Variants in LHFPL3 observed in about 807,000 individuals in gnomAD.
LHFPL3 encodes LHFPL tetraspan subfamily member 3 protein.
Under a neutral mutation model 19.3 loss-of-function variants are expected in LHFPL3, and 5 were observed. The observed-to-expected ratio is 0.26, with a 90% CI of 0.14 to 0.54. The LOEUF (loss-of-function observed/expected upper bound fraction) is 0.54. Ranked by LOEUF, LHFPL3 falls within the 20% of genes least tolerant of loss-of-function variation. The pLI, the probability that LHFPL3 is intolerant of heterozygous loss-of-function variation, is 0.94. For synonymous variants in LHFPL3, 133 were observed against 126.2 expected (o/e 1.05, Z -0.36); for missense variants, 249 against 307.4 (o/e 0.81, Z 1.42).
intron 2 of LHFPL3, among the ~76,000 whole-genome samples, chr7:104,857,041 T>TTGTG (rs1448796482): frequency 6.6e-6 from 1 of 152,230 alleles, no homozygotes; most frequent in Non-Finnish European, 1.5e-5. Flanking sequence ...TGCCAGGGTC[T>TTGTG]TTGCCTATAT....
chr7:104,902,065 T>C (rs750528615), intron 2 of LHFPL3, among the ~76,000 whole-genome samples: 8 of 151,794 alleles, frequency 5.3e-5, no homozygotes, highest in East Asian at 1.9e-4. Flanking sequence ...AGTCCCAGAG[T>C]TGACAATACT....
intron 2 of LHFPL3, among the ~76,000 whole-genome samples, chr7:104,737,237 G>A (rs894055593): frequency 6.6e-6 from 1 of 151,894 alleles, no homozygotes; most frequent in African/African-American, 2.4e-5. Flanking sequence ...AACTGTGGGT[G>A]GTGTCTATTT....
At chr7:104,889,993 C>T (rs566680958) in intron 2 of LHFPL3, among the ~76,000 whole-genome samples, 10 of 152,188 alleles carry the variant, frequency 6.6e-5, no homozygotes, top group African/African-American at 2.4e-4. Context: ...TCTTCTCATT[C>T]GCTTCTTAGG....
chr7:104,681,548 G>C (rs1185966368), intron 1 of LHFPL3, among the ~76,000 whole-genome samples: 1 of 151,978 alleles, frequency 6.6e-6, no homozygotes, highest in Non-Finnish European at 1.5e-5. Flanking sequence ...CTTGAACCTG[G>C]GAGGCAGAGG....
At chr7:104,338,461 G>A (rs1314732188) in intron 1 of LHFPL3, among the ~76,000 whole-genome samples, 3 of 152,118 alleles carry the variant, frequency 2.0e-5, no homozygotes, top group Non-Finnish European at 2.9e-5. Flanking sequence ...GGACTAGGTT[G>A]CAATATAAAA....
chr7:104,407,472 C>T (rs183700652), intron 1 of LHFPL3, among the ~76,000 whole-genome samples: 2 of 152,270 alleles, frequency 1.3e-5, no homozygotes, highest in Admixed American at 1.3e-4. Flanking sequence ...GCATGGCCTA[C>T]ATGGAGAAAC....
At chr7:104,802,070 T>C (rs2116478393) in intron 2 of LHFPL3, among the ~76,000 whole-genome samples, 1 of 152,282 alleles carries the variant, frequency 6.6e-6, no homozygotes, top group East Asian at 1.9e-4. Flanking sequence ...CCCTGCTATG[T>C]TGCTGTCTCC....
chr7:104,596,688 T>C (rs1220901009), intron 1 of LHFPL3, among the ~76,000 whole-genome samples: 1 of 152,238 alleles, frequency 6.6e-6, no homozygotes, highest in African/African-American at 2.4e-5. Flanking sequence ...TCACAGGATC[T>C]ACTGGCATAG....
intron 2 of LHFPL3, among the ~76,000 whole-genome samples, chr7:104,887,654 G>C (rs1030391241): frequency 2.6e-5 from 4 of 152,216 alleles, no homozygotes; most frequent in African/African-American, 7.2e-5. Flanking sequence ...CACTGGCCCA[G>C]TGGGCACTGA....
chr7:104,378,087 A>G (rs992191975), intron 1 of LHFPL3, among the ~76,000 whole-genome samples: 1 of 152,232 alleles, frequency 6.6e-6, no homozygotes, highest in East Asian at 1.9e-4. Flanking sequence ...TGTACAGTTT[A>G]TAGAGTTTTA....
At chr7:104,844,373 G>A (rs148582870) in intron 2 of LHFPL3, among the ~76,000 whole-genome samples, 2 of 152,222 alleles carry the variant, frequency 1.3e-5, no homozygotes, top group Non-Finnish European at 2.9e-5. Flanking sequence ...CCAGGCTTTG[G>A]AGTTCTAATT....
rs147321303 is a variant in LHFPL3, at chr7:104,667,494, A to G, written c.446-69181A>G. 5.6e-4 allele frequency among the ~76,000 whole-genome samples: 86 copies of G among 152,342 alleles called. 2 individuals carry two copies. In the East Asian group the frequency reaches 0.016, roughly 29 times the overall value. ...TCCTGGGTGCTTATGCCTATAATTT[A>G]GATTAGCTGCCCCAGCAGAATCAAT... On this transcript the variant is annotated intron_variant, in intron 1 of 2. Transcript: ENST00000424859.
At chr7:104,550,960 A>G (rs1260787746) in intron 1 of LHFPL3, among the ~76,000 whole-genome samples, 2 of 152,138 alleles carry the variant, frequency 1.3e-5, no homozygotes, top group African/African-American at 4.8e-5. Flanking sequence ...AAGCCTCCCA[A>G]AATTTTCCAG....
At chr7:104,791,644 C>T (rs1790026545) in intron 2 of LHFPL3, among the ~76,000 whole-genome samples, 1 of 152,090 alleles carries the variant, frequency 6.6e-6, no homozygotes, top group Non-Finnish European at 1.5e-5. Context: ...CTGGAACTGC[C>T]GGTTGCCTGG....
At chr7:104,369,787 G>A (rs1389387895) in intron 1 of LHFPL3, among the ~76,000 whole-genome samples, 1 of 152,144 alleles carries the variant, frequency 6.6e-6, no homozygotes. Flanking sequence ...TAATGATGTT[G>A]AGCAACTCTT....
intron 1 of LHFPL3, among the ~76,000 whole-genome samples, chr7:104,429,666 CA>C (rs1291369386): frequency 6.6e-6 from 1 of 151,980 alleles, no homozygotes; most frequent in Non-Finnish European, 1.5e-5. Flanking sequence ...CTTAGCATCA[CA>C]ACTTAGGCTA....
intron 2 of LHFPL3, among the ~76,000 whole-genome samples, chr7:104,814,339 C>T (rs1393020577): frequency 6.6e-6 from 1 of 152,180 alleles, no homozygotes; most frequent in Non-Finnish European, 1.5e-5. Flanking sequence ...CCTATCATCT[C>T]TCCATCGTCT....
At chr7:104,536,524 A>G (rs2115860806) in intron 1 of LHFPL3, among the ~76,000 whole-genome samples, 1 of 152,328 alleles carries the variant, frequency 6.6e-6, no homozygotes, top group Admixed American at 6.5e-5. Flanking sequence ...ATAAGAATAA[A>G]TAATTGGCTT....
Position 104,668,727 on chromosome 7 carries a change from C to G in LHFPL3, c.446-67948C>G, listed in dbSNP as rs186772196. 1.8e-4 allele frequency: 279 copies of G among 1,585,764 alleles called. 3 individuals carry two copies. The highest frequency in any genetic ancestry group is 1.4e-3 in the South Asian group (122 of 88,454). On this transcript the variant is annotated intron_variant, in intron 1 of 2. Coordinates refer to ENST00000424859, the MANE Select transcript of LHFPL3 (RefSeq NM_199000.3). Reference sequence around the variant, plus strand: ...GCGTGATGATAGAGGTCCCCCCCCCCCCAAAGACCCAAACTGAATCTAAAG... The same window carrying G: ...GCGTGATGATAGAGGTCCCCCCCCCGCCAAAGACCCAAACTGAATCTAAAG...
Sources: allele counts gnomAD v4.1 joint callset (sites outside exome capture counted in the v4.1 genomes callset), GRCh38; gene constraint gnomAD v4.1.1; transcripts MANE v1.5; gene names NCBI Gene and HGNC (gene_info 2026-07-23, HGNC 2026-07-21).